The following SSBP2 variants were observed in gnomAD, a reference collection of about 807,000 sequenced individuals.
The protein encoded by SSBP2 is single stranded DNA binding protein 2, also known as single-stranded DNA-binding protein 2.
In SSBP2, 17 loss-of-function variants were observed where a neutral mutation model predicts 61.8. The ratio of observed to expected loss-of-function variants is 0.28; its 90% CI spans 0.19 to 0.41. The LOEUF is 0.41. SSBP2 is among the 10% of genes least tolerant of loss of function. The pLI, the probability that SSBP2 is intolerant of heterozygous loss-of-function variation, is 1.00. For synonymous variants in SSBP2, 139 were observed against 141.3 expected (o/e 0.98, Z 0.12); for missense variants, 310 against 458.7 (o/e 0.68, Z 2.96).
chr5:81,594,668 A>G (rs1285521091), intron 4 of SSBP2, among the ~76,000 whole-genome samples: 4 of 152,230 alleles, frequency 2.6e-5, no homozygotes, highest in African/African-American at 9.7e-5. Flanking sequence ...CAATCAAACT[A>G]GAACTCAGGA....
intron 1 of SSBP2, among the ~76,000 whole-genome samples, chr5:81,748,137 G>A (rs1039745341): frequency 2.6e-5 from 4 of 152,130 alleles, no homozygotes; most frequent in Non-Finnish European, 5.9e-5. Flanking sequence ...ATGAACTCAT[G>A]TTAGAAAACA....
chr5:81,622,358 AT>A (rs545241800), intron 3 of SSBP2, among the ~76,000 whole-genome samples: 68 of 152,236 alleles, frequency 4.5e-4, no homozygotes, highest in African/African-American at 1.6e-3. Flanking sequence ...CGATAGAGTT[AT>A]TTTTTTATTC....
chr5:81,747,034 G>GGGA (rs1757397520), intron 1 of SSBP2, among the ~76,000 whole-genome samples: 2 of 112,258 alleles, frequency 1.8e-5, no homozygotes, highest in Non-Finnish European at 1.9e-5. Context: ...GGGGGGGGGG[G>GGGA]AATCTGAAGA....
In SSBP2 at chr5:81,476,990, GTGTGTGTA is replaced by G. The variant is rs1765634489; in HGVS notation, c.433-2436_433-2429del. On this transcript the variant is annotated intron_variant, in intron 6 of 16. Coordinates refer to ENST00000320672, the MANE Select transcript of SSBP2 (RefSeq NM_012446.5). The stretch of plus-strand genomic sequence containing the variant: ...TGGCTAGTGAGAAGCCTTCAGGTGT[GTGTGTGTA>G]TGTGTGTGTGTGTGTATGTGTGTTG... 3.9e-5 allele frequency among the ~76,000 whole-genome samples: 6 copies of G among 152,190 alleles called. No individual in the cohort carries two copies. In the South Asian group the frequency reaches 1.2e-3, roughly 32 times the overall value.
intron 5 of SSBP2, among the ~76,000 whole-genome samples, chr5:81,496,467 A>G (rs1767288105): frequency 6.6e-6 from 1 of 152,222 alleles, no homozygotes; most frequent in African/African-American, 2.4e-5. Flanking sequence ...GGTGTGAGCC[A>G]CAGCACCCGG....
intron 8 of SSBP2, among the ~76,000 whole-genome samples, chr5:81,473,391 A>G (rs3916011): frequency 0.23 from 34,260 of 152,004 alleles, 4,960 homozygotes; most frequent in Middle Eastern, 0.34. Context: ...ATTTGTCCCA[A>G]TGCACTCCCT....
At position 81,659,893 on chromosome 5, in the gene SSBP2, C is replaced by T. The variant is rs190770519; in HGVS notation, c.63-9554G>A. Among the ~76,000 whole-genome samples, 204 of 152,138 alleles carry T rather than the reference C, an allele frequency of 1.3e-3. 1 individual carries two copies. The Middle Eastern group carries it at 0.037, about 28-fold the overall frequency. On this transcript the variant is annotated intron_variant, in intron 1 of 16. Transcript: ENST00000320672. ...AGAAATAACATCACACATCTACAAC[C>T]ATCTGATCTTTGACAAACCTGACAA... is the stretch of plus-strand genomic sequence containing the variant.
intron 4 of SSBP2, among the ~76,000 whole-genome samples, chr5:81,614,663 C>T (rs1251422914): frequency 1.3e-5 from 2 of 152,102 alleles, no homozygotes; most frequent in African/African-American, 4.8e-5. Context: ...TCCTCAGGCT[C>T]CAGCCCCAAT....
At chr5:81,588,550 A>G (rs1775251933) in intron 4 of SSBP2, among the ~76,000 whole-genome samples, 1 of 151,824 alleles carries the variant, frequency 6.6e-6, no homozygotes, top group African/African-American at 2.4e-5. Context: ...CCATATATAT[A>G]TAATATATCT....
chr5:81,547,814 C>G (rs1209254232), intron 4 of SSBP2, among the ~76,000 whole-genome samples: 1 of 152,040 alleles, frequency 6.6e-6, no homozygotes, highest in African/African-American at 2.4e-5. Context: ...GGAAACCAAT[C>G]TGAAAAGGCT....
chr5:81,544,739 C>T (rs1349432478), intron 4 of SSBP2, among the ~76,000 whole-genome samples: 1 of 152,144 alleles, frequency 6.6e-6, no homozygotes, highest in African/African-American at 2.4e-5. Context: ...ATGGTAGAGA[C>T]TGGATGCTCA....
intron 4 of SSBP2, among the ~76,000 whole-genome samples, chr5:81,515,687 T>G (rs1768961860): frequency 6.6e-6 from 1 of 152,032 alleles, no homozygotes; most frequent in East Asian, 1.9e-4. Context: ...TGCTTATTTT[T>G]TTTTTCTTTT....
intron 1 of SSBP2, among the ~76,000 whole-genome samples, chr5:81,665,495 GTCTTT>G (rs533846125): frequency 1.4e-5 from 2 of 148,074 alleles, no homozygotes; most frequent in Admixed American, 1.3e-4. Context: ...ATCTTCCAGA[GTCTTT>G]TCTTTTTAAT....
At chr5:81,687,986 A>G (rs1395619268) in intron 1 of SSBP2, among the ~76,000 whole-genome samples, 1 of 152,150 alleles carries the variant, frequency 6.6e-6, no homozygotes, top group Non-Finnish European at 1.5e-5. Context: ...AAGGAAGACA[A>G]AAGGGTACTT....
At chr5:81,721,156 A>C (rs972722248) in intron 1 of SSBP2, among the ~76,000 whole-genome samples, 1 of 152,124 alleles carries the variant, frequency 6.6e-6, no homozygotes, top group Non-Finnish European at 1.5e-5. Flanking sequence ...TGGATACCAT[A>C]AAAAATATAA....
chr5:81,574,720 T>C (rs1774076442), intron 4 of SSBP2, among the ~76,000 whole-genome samples: 1 of 151,654 alleles, frequency 6.6e-6, no homozygotes, highest in Admixed American at 6.6e-5. Flanking sequence ...CAAAACTGCA[T>C]GTACAAGACT....
chr5:81,668,741 T>C (rs1267013027), intron 1 of SSBP2, among the ~76,000 whole-genome samples: 1 of 152,114 alleles, frequency 6.6e-6, no homozygotes, highest in Non-Finnish European at 1.5e-5. Flanking sequence ...TTTTGGAATA[T>C]TCATTTGAAA....
chr5:81,444,370 G>A (rs1464725538), intron 12 of SSBP2, among the ~76,000 whole-genome samples: 1 of 152,010 alleles, frequency 6.6e-6, no homozygotes, highest in African/African-American at 2.4e-5. Context: ...ACTCACTATC[G>A]AAGGGCTATC....
chr5:81,529,671 G>A (rs1361454341), intron 4 of SSBP2, among the ~76,000 whole-genome samples: 1 of 151,928 alleles, frequency 6.6e-6, no homozygotes, highest in Non-Finnish European at 1.5e-5. Flanking sequence ...GTGATGTAAA[G>A]GAATAAAAAA....
Sources: gnomAD v4.1 joint callset for allele counts (sites outside exome capture counted in the v4.1 genomes callset) on GRCh38, gnomAD v4.1.1 for gene constraint, MANE v1.5 for transcripts, NCBI Gene and HGNC (gene_info 2026-07-23, HGNC 2026-07-21) for gene names.